Variants in MCPH1 observed in about 807,000 individuals in gnomAD.
MCPH1 encodes the protein microcephalin 1.
A neutral mutation model predicts 84.5 loss-of-function variants in MCPH1; 104 were observed. The ratio of observed to expected loss-of-function variants is 1.23; its 90% CI spans 1.05 to 1.45. The LOEUF is 1.45. MCPH1 is among the 40% of genes most tolerant of loss of function. MCPH1 has a pLI of 0.00. For missense variants in MCPH1, 1,498 were observed against 1,005.7 expected, an observed-to-expected ratio of 1.49 and a Z score of -6.62; for synonymous variants, 514 against 366.8, an observed-to-expected ratio of 1.40 and a Z score of -4.58.
intron 12 of MCPH1, among the ~76,000 whole-genome samples, chr8:6,543,392 G>A (rs1283184305): frequency 6.6e-6 from 1 of 152,050 alleles, no homozygotes; most frequent in Admixed American, 6.6e-5. Context: ...CCTTCTCTCT[G>A]TGCTTTCCTG....
intron 12 of MCPH1, chr8:6,501,692 A>C (rs1586150840): frequency 6.6e-6 from 1 of 150,830 alleles, no homozygotes; most frequent in Admixed American, 6.6e-5. Context: ...AGTAGCTGGG[A>C]TTACAGGTGC....
intron 10 of MCPH1, among the ~76,000 whole-genome samples, chr8:6,479,527 C>G (rs557257226): frequency 1.3e-5 from 2 of 151,824 alleles, no homozygotes; most frequent in Admixed American, 1.3e-4. Flanking sequence ...CTCCACCTCC[C>G]GGGTTCACGC....
intron 12 of MCPH1, among the ~76,000 whole-genome samples, chr8:6,542,171 G>A (rs929288434): frequency 1.3e-5 from 2 of 152,110 alleles, no homozygotes; most frequent in Non-Finnish European, 2.9e-5. Flanking sequence ...AAGGCACACT[G>A]AAAGAAAAAA....
intron 12 of MCPH1, among the ~76,000 whole-genome samples, chr8:6,520,846 ATAT>A (rs1345889421): frequency 2.6e-5 from 4 of 152,336 alleles, no homozygotes; most frequent in African/African-American, 4.8e-5. Context: ...CATGGGTCTG[ATAT>A]TATTTTTCCC....
intron 12 of MCPH1, among the ~76,000 whole-genome samples, chr8:6,615,211 C>T (rs564555343): frequency 1.3e-5 from 2 of 152,322 alleles, no homozygotes; most frequent in South Asian, 2.1e-4. Context: ...GTGTGCTTTC[C>T]GTGAGGAACT....
chr8:6,570,668 T>C (rs1262662763), intron 12 of MCPH1, among the ~76,000 whole-genome samples: 3 of 152,206 alleles, frequency 2.0e-5, no homozygotes, highest in Non-Finnish European at 4.4e-5. Context: ...AAATCTTCAT[T>C]GTTCATGAGA....
At position 6,414,832 on chromosome 8, in the gene MCPH1, A is replaced by G. The variant is rs61749465; in HGVS notation, c.182A>G (p.Asp61Gly). The G allele has an allele frequency of 1.8e-3, 2,929 of 1,613,890 alleles. 3 individuals carry two copies. The highest frequency in any genetic ancestry group is 1.8e-3 in the Non-Finnish European group (2,117 of 1,179,878). Reference protein sequence around the residue: ...IFKDGYQSTWDKAQKRGVKLV... With the variant: ...IFKDGYQSTWGKAQKRGVKLV... ...AAAGATGGCTACCAGAGCACTTGGG[A>G]CAAAGCTCAGAAGAGAGGCGTAAAG... Residue 61 changes from aspartate to glycine, a missense_variant, in exon 3 of 14, where the codon GAC becomes GGC. Coordinates refer to ENST00000344683, the MANE Select transcript of MCPH1 (RefSeq NM_024596.5).
intron 12 of MCPH1, among the ~76,000 whole-genome samples, chr8:6,526,124 T>C (rs1818278177): frequency 6.6e-6 from 1 of 151,960 alleles, no homozygotes; most frequent in African/African-American, 2.4e-5. Context: ...AGTAAGACTA[T>C]TTTAAGAAAA....
intron 11 of MCPH1, among the ~76,000 whole-genome samples, chr8:6,483,587 A>C (rs1809493336): frequency 6.6e-6 from 1 of 152,218 alleles, no homozygotes; most frequent in South Asian, 2.1e-4. Context: ...GTGCTGGAGC[A>C]GTTGGACATA....
At chr8:6,501,675 C>G (rs1441504604) in intron 12 of MCPH1, 1 of 151,558 alleles carries the variant, frequency 6.6e-6, no homozygotes, top group Non-Finnish European at 1.5e-5. Flanking sequence ...CCTGCCTCAG[C>G]CTCCCGAGTA....
In MCPH1 at chr8:6,515,632, A is replaced by G. The variant is rs189331157; in HGVS notation, c.2214+15703A>G. 5.8e-4 allele frequency among the ~76,000 whole-genome samples: 89 copies of G among 152,362 alleles called. 1 individual carries two copies. The East Asian group carries it at 0.013, about 22-fold the overall frequency. On this transcript the variant is annotated intron_variant, in intron 12 of 13. Transcript: ENST00000344683. ...GAAATTAAAAACCCCTGAAAATAAG[A>G]TTACATAAATAGTTTTAAATAATAA...
At chr8:6,489,178 G>C (rs1586072139) in intron 11 of MCPH1, among the ~76,000 whole-genome samples, 1 of 152,128 alleles carries the variant, frequency 6.6e-6, no homozygotes, top group Non-Finnish European at 1.5e-5. Flanking sequence ...TTATATATAT[G>C]TACAAATATT....
intron 13 of MCPH1, among the ~76,000 whole-genome samples, chr8:6,638,674 G>C (rs745718799): frequency 2.1e-4 from 32 of 152,026 alleles, no homozygotes; most frequent in Non-Finnish European, 4.0e-4. Flanking sequence ...CACCGGCCAG[G>C]ACTGGCATTA....
chr8:6,518,112 G>C (rs1437889715), intron 12 of MCPH1, among the ~76,000 whole-genome samples: 1 of 152,104 alleles, frequency 6.6e-6, no homozygotes, highest in Non-Finnish European at 1.5e-5. Context: ...CACTGGGGTG[G>C]GAAGCTTGCA....
At chr8:6,522,154 G>C (rs1817475718) in intron 12 of MCPH1, among the ~76,000 whole-genome samples, 1 of 152,116 alleles carries the variant, frequency 6.6e-6, no homozygotes, top group Non-Finnish European at 1.5e-5. Flanking sequence ...GGGAGATTGA[G>C]AGTATCCTGG....
chr8:6,479,275 A>C (rs957984985), intron 10 of MCPH1, among the ~76,000 whole-genome samples: 1 of 151,362 alleles, frequency 6.6e-6, no homozygotes, highest in African/African-American at 2.4e-5. Flanking sequence ...TCAAAACAAT[A>C]AAATAAAACT....
In MCPH1 at chr8:6,470,332, G is replaced by A. The variant is rs184580770; in HGVS notation, c.1936-7262G>A. The stretch of plus-strand genomic sequence containing the variant: ...AAAGTCTCGCTCTGTCACCCAGGCT[G>A]GAGTGCAGTGGCGCGATCTCCGCTC... On this transcript the variant is annotated intron_variant, in intron 9 of 13. Coordinates refer to ENST00000344683, the MANE Select transcript of MCPH1 (RefSeq NM_024596.5). 3.7e-3 allele frequency among the ~76,000 whole-genome samples: 567 copies of A among 152,124 alleles called. 4 individuals are homozygous for A. Among genetic ancestry groups the A allele is most frequent in the Non-Finnish European group, 5.6e-3 (378 of 68,010 alleles).
intron 12 of MCPH1, among the ~76,000 whole-genome samples, chr8:6,533,822 A>G (rs538299794): frequency 1.3e-5 from 2 of 152,138 alleles, no homozygotes; most frequent in Non-Finnish European, 2.9e-5. Context: ...ATTTCCCCCA[A>G]AATGTTAACC....
chr8:6,540,165 C>T (rs1821284141), intron 12 of MCPH1, among the ~76,000 whole-genome samples: 2 of 152,152 alleles, frequency 1.3e-5, no homozygotes, highest in African/African-American at 4.8e-5. Context: ...AGTGCAGCTG[C>T]ATATTCTTTG....
Sources: gnomAD v4.1 joint callset for allele counts (sites outside exome capture counted in the v4.1 genomes callset) on GRCh38, gnomAD v4.1.1 for gene constraint, MANE v1.5 for transcripts, NCBI Gene and HGNC (gene_info 2026-07-23, HGNC 2026-07-21) for gene names.